Variants in NOSTRIN observed in about 807,000 individuals in gnomAD.
NOSTRIN encodes nitric oxide synthase trafficking.
A neutral mutation model predicts 59.0 loss-of-function variants in NOSTRIN; 63 were observed. The ratio of observed to expected loss-of-function variants is 1.07; its 90% CI spans 0.87 to 1.32. The LOEUF is 1.32. NOSTRIN is among the 40% of genes most tolerant of loss of function. NOSTRIN has a pLI of 0.00. For synonymous variants in NOSTRIN, 200 were observed against 165.4 expected (o/e 1.21, Z -1.61); for missense variants, 512 against 473.1 (o/e 1.08, Z -0.76).
chr2:168,815,624 T>TA (rs1686353752), intron 2 of NOSTRIN, among the ~76,000 whole-genome samples: 1 of 152,188 alleles, frequency 6.6e-6, no homozygotes, highest in Non-Finnish European at 1.5e-5. Context: ...AACAAAGCAA[T>TA]AAAAAATTGA....
intron 1 of NOSTRIN, among the ~76,000 whole-genome samples, chr2:168,805,693 C>T (rs1226763891): frequency 1.3e-5 from 2 of 152,142 alleles, no homozygotes; most frequent in Non-Finnish European, 2.9e-5. Flanking sequence ...TGTCATCGGC[C>T]ATTGAAATGG....
At chr2:168,789,593 A>G (rs1304940867) in intron 2 of NOSTRIN, among the ~76,000 whole-genome samples, 4 of 152,222 alleles carry the variant, frequency 2.6e-5, no homozygotes, top group African/African-American at 7.2e-5. Flanking sequence ...TCCAAACCGT[A>G]TCAGCTGGAG....
chr2:168,793,617 GAAAAC>G (rs985564669), upstream of NOSTRIN, among the ~76,000 whole-genome samples: 2 of 151,964 alleles, frequency 1.3e-5, no homozygotes, highest in African/African-American at 2.4e-5. Context: ...TCTCAAAAAA[GAAAAC>G]AAAACAAAAT....
At chr2:168,795,431 A>G (rs1685454565), upstream of NOSTRIN, among the ~76,000 whole-genome samples, 1 of 152,244 alleles carries the variant, frequency 6.6e-6, no homozygotes, top group African/African-American at 2.4e-5. Flanking sequence ...AGTTAAAGCC[A>G]TAGATCACAG....
upstream of NOSTRIN, among the ~76,000 whole-genome samples, chr2:168,798,757 CA>C (rs1425128984): frequency 6.6e-6 from 1 of 152,028 alleles, no homozygotes; most frequent in Non-Finnish European, 1.5e-5. Flanking sequence ...TTAAAATTTT[CA>C]GAAAGTGTGA....
chr2:168,793,457 A>G (rs1373109694), upstream of NOSTRIN, among the ~76,000 whole-genome samples: 2 of 152,130 alleles, frequency 1.3e-5, no homozygotes, highest in African/African-American at 4.8e-5. Flanking sequence ...AAAATAAAAA[A>G]TAAATTAGCT....
intron 2 of NOSTRIN, among the ~76,000 whole-genome samples, chr2:168,789,135 TCTTTTTGGGC>T (rs1421743596): frequency 6.6e-6 from 1 of 152,172 alleles, no homozygotes; most frequent in Non-Finnish European, 1.5e-5. Flanking sequence ...GTGTGGAACA[TCTTTTTGGGC>T]CAGAAAGCAA....
At chr2:168,802,567 C>A (rs1685649008), upstream of NOSTRIN, 1 of 837,362 alleles carries the variant, frequency 1.2e-6, no homozygotes, top group Non-Finnish European at 2.1e-6. Context: ...TCCCGGAAGT[C>A]CAGGACACAC....
chr2:168,856,713 T>C lies in NOSTRIN; in HGVS notation c.988T>C (p.Tyr330His). The C allele has an allele frequency of 6.2e-7, 1 of 1,614,156 alleles. No homozygotes were observed. The highest frequency in any genetic ancestry group is 8.5e-7 in the Non-Finnish European group (1 of 1,180,004). Residue 330 changes from tyrosine (Y) to histidine (H), a missense_variant, in exon 12 of 16, where the codon TAC becomes CAC. Coordinates refer to ENST00000317647, the MANE Select transcript of NOSTRIN (RefSeq NM_001039724.4). ...AGGCCTGGAACGAATGCTTAAAACG[T>C]ACTCCAGCACCTCCTCCTTCTCTGA... is the stretch of plus-strand genomic sequence containing the variant. ...KEGLERMLKT[Y>H]SSTSSFSDAK... is the part of the protein sequence containing the mutation.
chr2:168,829,509 C>T (rs1687246130), intron 5 of NOSTRIN, among the ~76,000 whole-genome samples: 1 of 152,050 alleles, frequency 6.6e-6, no homozygotes, highest in African/African-American at 2.4e-5. Context: ...TTAGTAGAGA[C>T]CAGGGATCGC....
Position 168,834,490 on chromosome 2 carries a change from T to TGCGCGC in NOSTRIN, c.504+178_504+183dup, listed in dbSNP as rs145224351. On this transcript the variant is annotated intron_variant, in intron 7 of 15. Transcript: ENST00000317647. Reference sequence around the variant, plus strand: ...AGGGGATTCCAAATCATTACTGGCGTGCGCGCGCGCGCGCGCGCACACACA... The same window carrying TGCGCGC: ...AGGGGATTCCAAATCATTACTGGCGTGCGCGCGCGCGCGCGCGCGCGCGCACACACA... Among the ~76,000 whole-genome samples, 365 of 87,534 alleles carry TGCGCGC rather than the reference T, an allele frequency of 4.2e-3. 2 individuals carry two copies. The highest frequency in any genetic ancestry group is 6.0e-3 in the Non-Finnish European group (276 of 45,708). The allele number at this position is 87,534 out of a possible 152,430, so 57.4% of individuals were successfully genotyped here.
intron 11 of NOSTRIN, chr2:168,856,001 C>T (rs1689079795): frequency 2.5e-6 from 1 of 399,178 alleles, no homozygotes; most frequent in Admixed American, 3.4e-5. Flanking sequence ...ACCACGATAA[C>T]TCATTGCAAT....
intron 2 of NOSTRIN, among the ~76,000 whole-genome samples, chr2:168,791,861 T>C (rs563038754): frequency 6.6e-6 from 1 of 152,364 alleles, no homozygotes; most frequent in Non-Finnish European, 1.5e-5. Context: ...TTGTTTGAGT[T>C]CATTATAGAT....
intron 2 of NOSTRIN, among the ~76,000 whole-genome samples, chr2:168,817,244 T>G (rs1050314110): frequency 6.6e-6 from 1 of 152,224 alleles, no homozygotes; most frequent in Non-Finnish European, 1.5e-5. Context: ...GGCACTGCCC[T>G]GGGTGACCCA....
chr2:168,808,615 C>T (rs913750994), intron 1 of NOSTRIN, among the ~76,000 whole-genome samples: 1 of 152,146 alleles, frequency 6.6e-6, no homozygotes, highest in African/African-American at 2.4e-5. Flanking sequence ...AAATCCATAG[C>T]TTAATACTGT....
chr2:168,796,302 C>A (rs930517965), upstream of NOSTRIN, among the ~76,000 whole-genome samples: 1 of 152,202 alleles, frequency 6.6e-6, no homozygotes, highest in African/African-American at 2.4e-5. Flanking sequence ...AGACGTGTCA[C>A]CCATGTCATA....
At chr2:168,829,446 G>A (rs1177977077) in intron 5 of NOSTRIN, among the ~76,000 whole-genome samples, 1 of 151,768 alleles carries the variant, frequency 6.6e-6, no homozygotes, top group South Asian at 2.1e-4. Context: ...TCAGCCTCTC[G>A]AGTAGCTGAC....
chr2:168,818,562 T>G (rs1376052038), intron 2 of NOSTRIN, among the ~76,000 whole-genome samples: 1 of 152,254 alleles, frequency 6.6e-6, no homozygotes, highest in African/African-American at 2.4e-5. Context: ...TAGTCTAATA[T>G]TGATTACATG....
At chr2:168,802,308 G>GTCA (rs1172494830), upstream of NOSTRIN, 4 of 287,568 alleles carry the variant, frequency 1.4e-5, no homozygotes, top group Non-Finnish European at 2.7e-5. Context: ...TTCCTGCACT[G>GTCA]TCAGACCAAG....
Sources: allele counts gnomAD v4.1 joint callset (sites outside exome capture counted in the v4.1 genomes callset), GRCh38; gene constraint gnomAD v4.1.1; transcripts MANE v1.5; gene names NCBI Gene and HGNC (gene_info 2026-07-23, HGNC 2026-07-21).